MPP4: variants seen among roughly 807,000 people sequenced by gnomAD.
MPP4 encodes the protein MAGUK p55 scaffold protein 4, also known as MAGUK p55 subfamily member 4.
Under a neutral mutation model 98.3 loss-of-function variants are expected in MPP4, and 91 were observed. The ratio of observed to expected loss-of-function variants is 0.93; its 90% CI spans 0.78 to 1.10. The LOEUF is 1.10. Ranked by LOEUF, MPP4 falls within the 50% of genes least tolerant of loss-of-function variation. The pLI is 0.00. For missense variants in MPP4, 744 were observed against 792.9 expected (o/e 0.94, Z 0.74); for synonymous variants, 261 against 271.8 (o/e 0.96, Z 0.39).
chr2:201,680,651 G>T, intron 10 of MPP4, 187 bp downstream of exon 10: 1 of 543,546 alleles, frequency 1.8e-6, no homozygotes, highest in African/African-American at 1.9e-5. Flanking sequence ...GATTATTCTC[G>T]TCTCCTTGGT....
At position 201,656,610 on chromosome 2, in the gene MPP4, C is replaced by G. The variant is rs1354681768; in HGVS notation, c.1130-242G>C. ...TGGGTGCTGGCGATAGATGGCTCAACTAATCCAAGGCCACTTTCTCATGAA... is the reference window on the plus strand; with the variant it reads ...TGGGTGCTGGCGATAGATGGCTCAAGTAATCCAAGGCCACTTTCTCATGAA... On this transcript the variant is annotated intron_variant, in intron 16 of 21. Transcript: ENST00000409474. Among the ~76,000 whole-genome samples, 3 of 152,200 alleles carry G rather than the reference C, an allele frequency of 2.0e-5. No homozygotes were observed. The East Asian group carries it at 5.8e-4, about 29-fold the overall frequency.
At chr2:201,659,726 TG>T (rs1687970571) in intron 15 of MPP4, among the ~76,000 whole-genome samples, 1 of 152,086 alleles carries the variant, frequency 6.6e-6, no homozygotes, top group Non-Finnish European at 1.5e-5. Context: ...CCCAGCTACT[TG>T]GGAGGCTGAG....
chr2:201,694,551 G>T (rs1689124654), intron 1 of MPP4, among the ~76,000 whole-genome samples: 1 of 149,472 alleles, frequency 6.7e-6, no homozygotes, highest in Non-Finnish European at 1.5e-5. Flanking sequence ...TGTTTCTAGA[G>T]TGCTTTCCTG....
At chr2:201,648,363 T>A (rs1003969593) in intron 20 of MPP4, among the ~76,000 whole-genome samples, 1 of 152,206 alleles carries the variant, frequency 6.6e-6, no homozygotes, top group African/African-American at 2.4e-5. Flanking sequence ...AGAGTGAACA[T>A]GAAGCTTCTC....
intron 1 of MPP4, among the ~76,000 whole-genome samples, chr2:201,695,698 C>T (rs907693616): frequency 1.3e-5 from 2 of 152,116 alleles, no homozygotes; most frequent in African/African-American, 4.8e-5. Flanking sequence ...TACCCTCACT[C>T]TCTTGGCCCC....
chr2:201,645,521 C>A (rs1035515588), intron 21 of MPP4, 117 bp from the exon 22 acceptor site: 26 of 784,690 alleles, frequency 3.3e-5, no homozygotes, highest in Non-Finnish European at 4.3e-5. Context: ...CAGTAAGGTC[C>A]GAAAATTTTG....
At chr2:201,678,080 T>C (rs1688562193) in intron 10 of MPP4, among the ~76,000 whole-genome samples, 1 of 152,146 alleles carries the variant, frequency 6.6e-6, no homozygotes, top group Admixed American at 6.5e-5. Context: ...TAAATGAAAT[T>C]GCTTAATTTC....
chr2:201,671,195 G>T (rs565810189), intron 11 of MPP4, among the ~76,000 whole-genome samples: 5 of 151,934 alleles, frequency 3.3e-5, no homozygotes, highest in Admixed American at 6.6e-5. Flanking sequence ...CCCCAGTGGC[G>T]CCTGGAATAC....
At chr2:201,698,325 T>C (rs1689250748) in intron 1 of MPP4, among the ~76,000 whole-genome samples, 1 of 152,224 alleles carries the variant, frequency 6.6e-6, no homozygotes, top group African/African-American at 2.4e-5. Flanking sequence ...CCAAATGCTG[T>C]TGATTAGGAC....
At chr2:201,669,842 A>G in intron 11 of MPP4, 92 bp from the exon 12 acceptor site, 2 of 1,006,262 alleles carry the variant, frequency 2.0e-6, no homozygotes, top group Non-Finnish European at 2.6e-6. Flanking sequence ...TAAGAAATGT[A>G]ATGTGCAAAA....
At chr2:201,662,500 C>CAA (rs57262157) in intron 14 of MPP4, among the ~76,000 whole-genome samples, 2,191 of 75,092 alleles carry the variant, frequency 0.029, 106 homozygotes, top group African/African-American at 0.069. Context: ...GACTCTGTCT[C>CAA]AAAAAAAAAA....
At chr2:201,684,100 G>T (rs143488794) in intron 7 of MPP4, among the ~76,000 whole-genome samples, 1 of 151,748 alleles carries the variant, frequency 6.6e-6, no homozygotes, top group East Asian at 1.9e-4. Context: ...TGCACCAGTG[G>T]ACCCAGCTAC....
intron 11 of MPP4, among the ~76,000 whole-genome samples, chr2:201,672,013 C>T (rs769054172): frequency 2.6e-5 from 4 of 152,160 alleles, no homozygotes; most frequent in Non-Finnish European, 4.4e-5. Flanking sequence ...AAACATTCCT[C>T]AGCAAATGCA....
intron 17 of MPP4, among the ~76,000 whole-genome samples, 166 bp downstream of exon 17, chr2:201,656,032 T>A (rs1397824626): frequency 1.3e-5 from 2 of 152,220 alleles, no homozygotes; most frequent in African/African-American, 4.8e-5. Context: ...TACAATAAAA[T>A]GTTACTTATA....
intron 3 of MPP4, among the ~76,000 whole-genome samples, chr2:201,692,313 C>A (rs560745237): frequency 1.3e-5 from 2 of 152,016 alleles, no homozygotes; most frequent in East Asian, 3.9e-4. Flanking sequence ...GGAAGCTGAG[C>A]CGGACGGATC....
At chr2:201,666,710 G>A (rs1270517350) in intron 12 of MPP4, 1 of 165,258 alleles carries the variant, frequency 6.1e-6, no homozygotes, top group Non-Finnish European at 1.3e-5. Context: ...GGCAACAAGA[G>A]CGAAACTCCA....
chr2:201,664,075 A>T lies in MPP4; in HGVS notation c.1072+6T>A. ...AATCAGTACCAAATACTCATTTTTT[A>T]CTTACCAGATTCAAATGTTTCTTCA... On this transcript the variant is annotated splice_donor_region_variant and intron_variant, in intron 14 of 21. Transcript: ENST00000409474. The T allele has an allele frequency of 6.6e-7, 1 of 1,514,248 alleles. No homozygotes were observed. Among genetic ancestry groups the T allele is most frequent in the Non-Finnish European group, 8.9e-7 (1 of 1,118,082 alleles). The allele number at this position is 1,514,248 out of a possible 1,614,324, so 93.8% of individuals were successfully genotyped here.
intron 4 of MPP4, among the ~76,000 whole-genome samples, chr2:201,688,777 TTTG>T (rs893127806): frequency 8.2e-4 from 124 of 152,130 alleles, no homozygotes; most frequent in African/African-American, 2.3e-3. Flanking sequence ...CCAGCTAATT[TTTG>T]TTGTTGTTGT....
At chr2:201,659,070 A>G (rs945492605) in intron 15 of MPP4, among the ~76,000 whole-genome samples, 3 of 151,756 alleles carry the variant, frequency 2.0e-5, no homozygotes, top group Non-Finnish European at 4.4e-5. Context: ...TAATTTTTGT[A>G]TTTTTAGTAG....
Sources: allele counts gnomAD v4.1 joint callset (sites outside exome capture counted in the v4.1 genomes callset), GRCh38; gene constraint gnomAD v4.1.1; transcripts MANE v1.5; gene names NCBI Gene and HGNC (gene_info 2026-07-23, HGNC 2026-07-21).